SLC15A1: variants seen among roughly 807,000 people sequenced by gnomAD.
SLC15A1 encodes the protein solute carrier family 15 member 1.
Under a neutral mutation model 92.9 loss-of-function variants are expected in SLC15A1, and 83 were observed. That is an observed-to-expected ratio of 0.89 (90% CI 0.75 to 1.07). The LOEUF is 1.07. SLC15A1 is among the 50% of genes least tolerant of loss of function. The probability of loss-of-function intolerance (pLI) is 0.00; values close to 1 mark genes in which losing one functional copy is unlikely to be tolerated. For missense variants in SLC15A1, 857 were observed against 880.1 expected (o/e 0.97, Z 0.33); for synonymous variants, 322 against 318.2 (o/e 1.01, Z -0.13).
At chr13:98,686,340 C>G in intron 21 of SLC15A1, 43 bp from the exon 22 acceptor site, 1 of 1,380,784 alleles carries the variant, frequency 7.2e-7, no homozygotes, top group Non-Finnish European at 1.0e-6. Flanking sequence ...AGGTCTCACC[C>G]TCCGAGCAGG....
chr13:98,686,733 G>A (rs565759492), intron 21 of SLC15A1, among the ~76,000 whole-genome samples: 1 of 152,156 alleles, frequency 6.6e-6, no homozygotes, highest in South Asian at 2.1e-4. Context: ...TCCTTTATTA[G>A]ACTGTGAGGT....
At chr13:98,711,010 C>T (rs1269886825) in intron 11 of SLC15A1, among the ~76,000 whole-genome samples, 2 of 152,044 alleles carry the variant, frequency 1.3e-5, no homozygotes, top group Admixed American at 1.3e-4. Flanking sequence ...TTTCCAGTGA[C>T]CGGCTCCTGT....
At chr13:98,742,629 T>C (rs2088457836) in intron 1 of SLC15A1, among the ~76,000 whole-genome samples, 1 of 152,164 alleles carries the variant, frequency 6.6e-6, no homozygotes, top group Non-Finnish European at 1.5e-5. Context: ...GGAGAATCTG[T>C]CCTGGGCCTG....
chr13:98,717,598 G>A lies in SLC15A1; in HGVS notation c.641-1638C>T, dbSNP rs140215530. 5.9e-5 allele frequency among the ~76,000 whole-genome samples: 9 copies of A among 152,244 alleles called. No individual in the cohort carries two copies. In the East Asian group the frequency reaches 1.7e-3, roughly 29 times the overall value. ...TCCTGCCAAGAATTAGAGAGGAGGA[G>A]GTATCAATGAGCCTGCTAGGGGACG... is the stretch of plus-strand genomic sequence containing the variant. On this transcript the variant is annotated intron_variant, in intron 8 of 22. Coordinates refer to ENST00000376503, the MANE Select transcript of SLC15A1 (RefSeq NM_005073.4).
At chr13:98,699,052 A>G (rs1403899737) in intron 18 of SLC15A1, among the ~76,000 whole-genome samples, 2 of 152,178 alleles carry the variant, frequency 1.3e-5, no homozygotes, top group East Asian at 3.9e-4. Context: ...TACTGTCACG[A>G]TCAGAATACG....
chr13:98,724,714 C>T (rs572607083), intron 4 of SLC15A1, among the ~76,000 whole-genome samples: 30 of 152,074 alleles, frequency 2.0e-4, no homozygotes, highest in Non-Finnish European at 3.1e-4. Flanking sequence ...ACCTTGTGAT[C>T]CACCTGCCTT....
intron 18 of SLC15A1, among the ~76,000 whole-genome samples, chr13:98,693,486 A>G (rs939469886): frequency 1.3e-4 from 20 of 151,446 alleles, no homozygotes; most frequent in African/African-American, 4.7e-4. Flanking sequence ...AACTTGGAGC[A>G]TATATTCATA....
At chr13:98,720,479 TTTAA>T (rs1397703012) in intron 7 of SLC15A1, 5 of 152,272 alleles carry the variant, frequency 3.3e-5, no homozygotes, top group South Asian at 4.1e-4. Context: ...TGGAATGGGG[TTTAA>T]TTGTCTGTCA....
intron 11 of SLC15A1, 100 bp downstream of exon 11, chr13:98,711,754 G>T (rs9554498): frequency 0.028 from 21,259 of 768,436 alleles, 578 homozygotes; most frequent in East Asian, 0.087. Context: ...AACTGGAGGA[G>T]AACTTTTTAG....
Position 98,688,462 on chromosome 13 carries a change from G to A in SLC15A1, c.1574+8C>T, listed in dbSNP as rs757642903. 3.4e-5 allele frequency: 55 copies of A among 1,612,128 alleles called. No homozygotes were observed. Among genetic ancestry groups the A allele is most frequent in the Admixed American group, 6.7e-5 (4 of 59,970 alleles). Reference sequence around the variant, plus strand: ...CCTTTGAGTGAAGCATTCAGTCTCGGTACTTACATGCCAGAAGGAAAAAAC... The same window carrying A: ...CCTTTGAGTGAAGCATTCAGTCTCGATACTTACATGCCAGAAGGAAAAAAC... On this transcript the variant is annotated splice_region_variant and intron_variant, in intron 19 of 22. Transcript: ENST00000376503.
chr13:98,726,431 G>T lies in SLC15A1; in HGVS notation c.40C>A (p.Leu14Met). ...TTGACCACGATGAAGAAGATGCTCA[G>T]GGGATAACCAAAGAAACTCTGACAA... ...SKSHSFFGYPLSIFFIVVNEF... is the reference protein window; with the variant it reads ...SKSHSFFGYPMSIFFIVVNEF... Residue 14 changes from leucine (L) to methionine (M), a missense_variant, in exon 3 of 23, where the codon CTG becomes ATG. Transcript: ENST00000376503. 6.2e-7 allele frequency: 1 copy of T among 1,614,060 alleles called. No individual in the cohort carries two copies. Among genetic ancestry groups the T allele is most frequent in the South Asian group, 1.1e-5 (1 of 91,044 alleles).
chr13:98,737,299 C>T (rs1198117872), intron 1 of SLC15A1, among the ~76,000 whole-genome samples: 1 of 152,112 alleles, frequency 6.6e-6, no homozygotes, highest in Non-Finnish European at 1.5e-5. Context: ...ACAATGAGAA[C>T]ACTTGGACAC....
chr13:98,699,541 C>T (rs760084436), intron 18 of SLC15A1, among the ~76,000 whole-genome samples: 7 of 152,132 alleles, frequency 4.6e-5, no homozygotes, highest in Admixed American at 1.3e-4. Flanking sequence ...GAGTGATTTC[C>T]CATCTTCAGT....
intron 18 of SLC15A1, among the ~76,000 whole-genome samples, chr13:98,700,953 C>G (rs1319860560): frequency 2.6e-5 from 4 of 152,170 alleles, no homozygotes; most frequent in Admixed American, 6.5e-5. Context: ...AGTTTGAAAA[C>G]TAGTGGTAGT....
intron 1 of SLC15A1, among the ~76,000 whole-genome samples, chr13:98,748,340 G>A (rs1366744079): frequency 6.6e-6 from 1 of 152,110 alleles, no homozygotes; most frequent in African/African-American, 2.4e-5. Context: ...GCCCAGGCTG[G>A]AGCACAGTGG....
chr13:98,752,462 C>T, intron 1 of SLC15A1, 133 bp downstream of exon 1: 1 of 841,812 alleles, frequency 1.2e-6, no homozygotes, highest in African/African-American at 1.8e-5. Flanking sequence ...AACCTCCCGG[C>T]CCCCGTGGGC....
intron 18 of SLC15A1, among the ~76,000 whole-genome samples, chr13:98,702,066 T>C (rs151046558): frequency 1.8e-4 from 27 of 152,322 alleles, no homozygotes; most frequent in African/African-American, 4.8e-4. Context: ...GGATGTTTAA[T>C]AGAAGTGCGG....
intron 21 of SLC15A1, among the ~76,000 whole-genome samples, chr13:98,686,831 A>C (rs1475803061): frequency 6.6e-6 from 1 of 152,230 alleles, no homozygotes; most frequent in Non-Finnish European, 1.5e-5. Flanking sequence ...AATGCCTATA[A>C]CTATAGCTCT....
intron 1 of SLC15A1, among the ~76,000 whole-genome samples, chr13:98,738,422 C>T (rs1306803323): frequency 1.3e-5 from 2 of 152,252 alleles, no homozygotes; most frequent in Non-Finnish European, 1.5e-5. Flanking sequence ...ATCACAGGGC[C>T]CAGAGGCCTA....
Sources: allele counts gnomAD v4.1 joint callset (sites outside exome capture counted in the v4.1 genomes callset), GRCh38; gene constraint gnomAD v4.1.1; transcripts MANE v1.5; gene names NCBI Gene and HGNC (gene_info 2026-07-23, HGNC 2026-07-21).